Variants in VWC2L observed in about 807,000 individuals in gnomAD.
VWC2L encodes von Willebrand factor C domain containing 2 like.
A neutral mutation model predicts 21.6 loss-of-function variants in VWC2L; 10 were observed. That is an observed-to-expected ratio of 0.46 (90% CI 0.29 to 0.78). VWC2L has a LOEUF of 0.78. Ranked by LOEUF, VWC2L falls within the 30% of genes least tolerant of loss-of-function variation. The pLI, the probability that VWC2L is intolerant of heterozygous loss-of-function variation, is 0.10. For synonymous variants in VWC2L, 96 were observed against 94.3 expected (o/e 1.02, Z -0.10); for missense variants, 209 against 277.1 (o/e 0.75, Z 1.74).
intron 3 of VWC2L, among the ~76,000 whole-genome samples, chr2:214,527,745 A>G (rs1327452037): frequency 2.0e-5 from 3 of 152,194 alleles, no homozygotes; most frequent in Non-Finnish European, 4.4e-5. Context: ...TATTGTCTAA[A>G]TAAACCAATT....
At chr2:214,424,407 C>G (rs942003693) in intron 2 of VWC2L, among the ~76,000 whole-genome samples, 1 of 152,156 alleles carries the variant, frequency 6.6e-6, no homozygotes, top group Non-Finnish European at 1.5e-5. Context: ...TATAGTTCAA[C>G]AGCTGAGAGC....
intron 3 of VWC2L, among the ~76,000 whole-genome samples, chr2:214,539,753 G>C (rs1342028582): frequency 6.6e-6 from 1 of 152,058 alleles, no homozygotes; most frequent in East Asian, 1.9e-4. Context: ...GGAACAGACT[G>C]TTTTATCTTC....
intron 3 of VWC2L, among the ~76,000 whole-genome samples, chr2:214,446,425 TTA>T (rs1310750290): frequency 2.6e-5 from 4 of 152,194 alleles, no homozygotes; most frequent in African/African-American, 7.2e-5. Context: ...AAGAAAATAT[TTA>T]TGTTTATATT....
chr2:214,485,020 T>G (rs778647943), intron 3 of VWC2L, among the ~76,000 whole-genome samples: 3 of 152,128 alleles, frequency 2.0e-5, no homozygotes, highest in Admixed American at 1.3e-4. Context: ...TTCTTACCTT[T>G]AGAAGTCTGT....
At chr2:214,562,530 ATGGTATTTCT>A (rs1268172194) in intron 3 of VWC2L, among the ~76,000 whole-genome samples, 2 of 152,212 alleles carry the variant, frequency 1.3e-5, no homozygotes, top group African/African-American at 4.8e-5. Context: ...GCTGGGCCAA[ATGGTATTTCT>A]GGTTCTAGAT....
At chr2:214,537,068 GACTT>G (rs1182924416) in intron 3 of VWC2L, among the ~76,000 whole-genome samples, 1 of 151,390 alleles carries the variant, frequency 6.6e-6, no homozygotes, top group African/African-American at 2.4e-5. Context: ...TCTTCCAAAA[GACTT>G]ACAAGATTTC....
intron 3 of VWC2L, among the ~76,000 whole-genome samples, chr2:214,517,203 T>C (rs931455037): frequency 4.6e-5 from 7 of 152,262 alleles, no homozygotes; most frequent in African/African-American, 1.4e-4. Context: ...CTCCTTAAAA[T>C]ACTTTCTTCA....
intron 3 of VWC2L, among the ~76,000 whole-genome samples, chr2:214,561,358 C>T (rs1253044594): frequency 6.6e-6 from 1 of 152,192 alleles, no homozygotes; most frequent in Non-Finnish European, 1.5e-5. Flanking sequence ...GTCATCTCAT[C>T]CTTCCATAAT....
rs55864016 is a variant in VWC2L, at chr2:214,563,546, C to CAAAAAAAAAAAA, written c.521-12102_521-12091dup. On this transcript the variant is annotated intron_variant, in intron 3 of 3. Coordinates refer to ENST00000312504, the MANE Select transcript of VWC2L (RefSeq NM_001080500.4). Reference sequence around the variant, plus strand: ...TGGGTGACACAGCAAGACTCCGTCTCAAAAAAAAAAAAAAAAAAAAAAAAA... The same window carrying CAAAAAAAAAAAA: ...TGGGTGACACAGCAAGACTCCGTCTCAAAAAAAAAAAAAAAAAAAAAAAAAAAAAAAAAAAAA... Among the ~76,000 whole-genome samples, 173 of 95,832 alleles carry CAAAAAAAAAAAA rather than the reference C, an allele frequency of 1.8e-3. 2 individuals carry two copies. The highest frequency in any genetic ancestry group is 2.2e-3 in the Non-Finnish European group (107 of 48,190). The allele number at this position is 95,832 out of a possible 152,430, so 62.9% of individuals were successfully genotyped here.
chr2:214,516,378 G>A (rs543170150), intron 3 of VWC2L, among the ~76,000 whole-genome samples: 2 of 152,230 alleles, frequency 1.3e-5, no homozygotes, highest in Admixed American at 6.5e-5. Flanking sequence ...GCCAGGAGCT[G>A]CTATGAGGCT....
chr2:214,490,158 G>C (rs535008834), intron 3 of VWC2L, among the ~76,000 whole-genome samples: 33 of 152,286 alleles, frequency 2.2e-4, no homozygotes, highest in African/African-American at 7.7e-4. Context: ...CAAAGGCAGA[G>C]ATGCAGCCAA....
chr2:214,459,993 C>T (rs1040479752), intron 3 of VWC2L, among the ~76,000 whole-genome samples: 23 of 147,626 alleles, frequency 1.6e-4, no homozygotes, highest in South Asian at 1.1e-3. Context: ...CTGCAACGTC[C>T]GTCTCCCAGG....
intron 3 of VWC2L, among the ~76,000 whole-genome samples, chr2:214,456,179 C>G (rs1288551857): frequency 1.3e-5 from 2 of 150,982 alleles, no homozygotes; most frequent in Non-Finnish European, 3.0e-5. Flanking sequence ...CTTCCTTTTT[C>G]TCTTCATCCT....
At chr2:214,527,470 C>A (rs1031933210) in intron 3 of VWC2L, among the ~76,000 whole-genome samples, 43 of 152,174 alleles carry the variant, frequency 2.8e-4, no homozygotes, top group Admixed American at 2.4e-3. Context: ...GAATCCTTAA[C>A]TAATGATGTG....
At chr2:214,550,917 C>T (rs751197406) in intron 3 of VWC2L, among the ~76,000 whole-genome samples, 2 of 152,094 alleles carry the variant, frequency 1.3e-5, no homozygotes, top group Admixed American at 6.5e-5. Context: ...TACAAAAGGC[C>T]TTTTGTAATC....
intron 3 of VWC2L, among the ~76,000 whole-genome samples, chr2:214,510,022 T>C (rs1382120594): frequency 6.6e-6 from 1 of 152,248 alleles, no homozygotes; most frequent in Non-Finnish European, 1.5e-5. Flanking sequence ...AAGATCCCAG[T>C]TGAAACTATG....
intron 3 of VWC2L, among the ~76,000 whole-genome samples, chr2:214,456,973 T>C (rs1703067890): frequency 6.6e-6 from 1 of 152,168 alleles, no homozygotes; most frequent in South Asian, 2.1e-4. Flanking sequence ...TTGGTTATTA[T>C]AACTTTTTAA....
chr2:214,560,288 CT>C (rs1559331088), intron 3 of VWC2L, among the ~76,000 whole-genome samples: 1 of 152,130 alleles, frequency 6.6e-6, no homozygotes, highest in African/African-American at 2.4e-5. Context: ...ACCTACTCAT[CT>C]TTTTTTAGTT....
intron 3 of VWC2L, among the ~76,000 whole-genome samples, chr2:214,481,220 G>T (rs1688600100): frequency 6.6e-6 from 1 of 152,142 alleles, no homozygotes; most frequent in African/African-American, 2.4e-5. Context: ...GCTATGAATT[G>T]CTTTGACAAA....
Sources: allele counts gnomAD v4.1 joint callset (sites outside exome capture counted in the v4.1 genomes callset), GRCh38; gene constraint gnomAD v4.1.1; transcripts MANE v1.5; gene names NCBI Gene and HGNC (gene_info 2026-07-23, HGNC 2026-07-21).